Variants in RIMS2 observed in about 807,000 individuals in gnomAD.
RIMS2 encodes regulating synaptic membrane exocytosis protein 2.
In RIMS2, 59 loss-of-function variants were observed where a neutral mutation model predicts 174.4. The observed-to-expected ratio is 0.34, with a 90% CI of 0.27 to 0.42. The LOEUF (loss-of-function observed/expected upper bound fraction) is 0.42, where lower values mean the gene tolerates loss of function less well. Ranked by LOEUF, RIMS2 falls within the 10% of genes least tolerant of loss-of-function variation. The pLI is 1.00. For missense variants in RIMS2, 1,620 were observed against 1,666.3 expected, an observed-to-expected ratio of 0.97 and a Z score of 0.48; for synonymous variants, 606 against 572.5, an observed-to-expected ratio of 1.06 and a Z score of -0.84.
chr8:103,647,133 T>C (rs537930060), intron 1 of RIMS2, among the ~76,000 whole-genome samples: 1 of 152,336 alleles, frequency 6.6e-6, no homozygotes, highest in Non-Finnish European at 1.5e-5. Context: ...AGAGTTACAT[T>C]TATTTATTTT....
chr8:103,517,324 C>T (rs1312483917), intron 1 of RIMS2, among the ~76,000 whole-genome samples: 7 of 152,040 alleles, frequency 4.6e-5, no homozygotes, highest in Non-Finnish European at 1.0e-4. Flanking sequence ...CATTTAGACA[C>T]GGACTGTGAA....
intron 3 of RIMS2, among the ~76,000 whole-genome samples, chr8:103,809,054 A>G (rs555820846): frequency 9.9e-5 from 15 of 152,172 alleles, no homozygotes; most frequent in Non-Finnish European, 2.1e-4. Context: ...ACAGTTTTCC[A>G]TGCTCTATAG....
At chr8:103,730,289 A>G (rs943017536) in intron 2 of RIMS2, among the ~76,000 whole-genome samples, 1 of 150,882 alleles carries the variant, frequency 6.6e-6, no homozygotes, top group African/African-American at 2.4e-5. Flanking sequence ...ATTGTTATAT[A>G]TATAGAGGAC....
At position 103,883,278 on chromosome 8, in the gene RIMS2, A is replaced by T. The variant is rs146952641; in HGVS notation, c.699-2020A>T. Among the ~76,000 whole-genome samples, 924 of 151,902 alleles carry T rather than the reference A, an allele frequency of 6.1e-3. 6 individuals carry two copies. The highest frequency in any genetic ancestry group is 0.01 in the Non-Finnish European group (703 of 67,782). On this transcript the variant is annotated intron_variant, in intron 3 of 23. Coordinates refer to ENST00000504942, the Ensembl canonical transcript of RIMS2. ...GGATTTAATGGTTATATAGTTCGAA[A>T]TAACTGGCTAATTACAAAAGTATGA...
intron 17 of RIMS2, among the ~76,000 whole-genome samples, chr8:103,991,255 C>T (rs2094678616): frequency 6.6e-6 from 1 of 151,600 alleles, no homozygotes; most frequent in Non-Finnish European, 1.5e-5. Flanking sequence ...TTTTAGAGCA[C>T]TGTCAATGCC....
At chr8:103,914,929 T>G (rs1323753876) in intron 6 of RIMS2, among the ~76,000 whole-genome samples, 2 of 152,142 alleles carry the variant, frequency 1.3e-5, no homozygotes, top group Non-Finnish European at 2.9e-5. Context: ...TATATTTTAA[T>G]AGAAACATAA....
chr8:103,836,179 G>A (rs1029456277), intron 3 of RIMS2, among the ~76,000 whole-genome samples: 7 of 152,156 alleles, frequency 4.6e-5, no homozygotes, highest in East Asian at 1.9e-4. Context: ...TCTTCAACTC[G>A]TGTCCGTCAC....
intron 19 of RIMS2, among the ~76,000 whole-genome samples, chr8:104,067,004 A>C (rs1189199470): frequency 1.3e-5 from 2 of 152,152 alleles, no homozygotes; most frequent in Non-Finnish European, 2.9e-5. Flanking sequence ...AATAATACTA[A>C]AAAATTAAAA....
intron 2 of RIMS2, among the ~76,000 whole-genome samples, chr8:103,725,652 G>A (rs1339789047): frequency 6.6e-6 from 1 of 152,072 alleles, no homozygotes; most frequent in Non-Finnish European, 1.5e-5. Flanking sequence ...TTCTAGTGTT[G>A]TTGGCTATAA....
intron 19 of RIMS2, among the ~76,000 whole-genome samples, chr8:104,025,567 A>G (rs2096236462): frequency 6.6e-6 from 1 of 152,180 alleles, no homozygotes; most frequent in Non-Finnish European, 1.5e-5. Flanking sequence ...ATTACTATAT[A>G]AATGTTAGTT....
Position 103,833,997 on chromosome 8 carries a change from G to GTTTT in RIMS2, c.699-51299_699-51298insTTTT, listed in dbSNP as rs201553659. Among the ~76,000 whole-genome samples the GTTTT allele has an allele frequency of 4.9e-3, 738 of 151,976 alleles. 6 individuals carry two copies. Among genetic ancestry groups the GTTTT allele is most frequent in the African/African-American group, 0.017 (713 of 41,500 alleles). On this transcript the variant is annotated intron_variant, in intron 3 of 23. Transcript: ENST00000504942. ...CTCTGAAGAATGCTGATGTTTGTTT[G>GTTTT]TTCATTTATTTATTTATTTATTTAT...
chr8:103,540,023 G>A (rs750204772), intron 1 of RIMS2, among the ~76,000 whole-genome samples: 4 of 152,206 alleles, frequency 2.6e-5, no homozygotes, highest in African/African-American at 4.8e-5. Context: ...CTGTGTTCCC[G>A]TTCTTGGCTC....
At chr8:104,054,484 A>T (rs2096837566) in intron 19 of RIMS2, among the ~76,000 whole-genome samples, 1 of 152,182 alleles carries the variant, frequency 6.6e-6, no homozygotes, top group East Asian at 1.9e-4. Context: ...TTGTCTAAAA[A>T]TGTTAATATC....
intron 1 of RIMS2, among the ~76,000 whole-genome samples, chr8:103,531,440 G>A (rs1056636357): frequency 1.3e-5 from 2 of 152,166 alleles, no homozygotes; most frequent in African/African-American, 4.8e-5. Context: ...AAATTAAAAA[G>A]TATTTTTACT....
chr8:103,980,055 A>G (rs1055194923), intron 16 of RIMS2, among the ~76,000 whole-genome samples: 2 of 152,176 alleles, frequency 1.3e-5, no homozygotes, highest in African/African-American at 2.4e-5. Flanking sequence ...CTGGGCTCAG[A>G]GCCAGAGGAC....
intron 1 of RIMS2, chr8:103,559,511 G>T (rs1017054290): frequency 5.7e-5 from 14 of 246,356 alleles, no homozygotes; most frequent in Admixed American, 1.8e-4. Context: ...AAGGGAGCAG[G>T]ACTGAGAACA....
At chr8:103,719,835 A>G (rs898231548) in intron 2 of RIMS2, among the ~76,000 whole-genome samples, 1 of 152,200 alleles carries the variant, frequency 6.6e-6, no homozygotes, top group African/African-American at 2.4e-5. Flanking sequence ...ACAACATGAA[A>G]TTAAAGTTTT....
intron 19 of RIMS2, among the ~76,000 whole-genome samples, chr8:104,203,494 CTTTTT>C (rs10545100): frequency 2.1e-3 from 155 of 72,788 alleles, no homozygotes; most frequent in African/African-American, 8.8e-3. Context: ...AGACACTGTA[CTTTTT>C]TTTTTTTTTT....
intron 1 of RIMS2, among the ~76,000 whole-genome samples, chr8:103,553,603 T>A (rs968141962): frequency 4.0e-5 from 6 of 151,776 alleles, no homozygotes; most frequent in African/African-American, 1.5e-4. Context: ...TAATAAAAAA[T>A]AATAATAAAA....
Sources: gnomAD v4.1 joint callset for allele counts (sites outside exome capture counted in the v4.1 genomes callset) on GRCh38, gnomAD v4.1.1 for gene constraint, MANE v1.5 for transcripts, NCBI Gene and HGNC (gene_info 2026-07-23, HGNC 2026-07-21) for gene names.